The following INPP5D variants were observed in gnomAD, a reference collection of about 807,000 sequenced individuals.
The protein encoded by INPP5D is phosphatidylinositol 3,4,5-trisphosphate 5-phosphatase 1.
Under a neutral mutation model 122.9 loss-of-function variants are expected in INPP5D, and 33 were observed. That is an observed-to-expected ratio of 0.27 (90% CI 0.20 to 0.36). The LOEUF is 0.36. Ranked by LOEUF, INPP5D falls within the 10% of genes least tolerant of loss-of-function variation. The probability of loss-of-function intolerance (pLI) is 1.00; values close to 1 mark genes in which losing one functional copy is unlikely to be tolerated. For missense variants in INPP5D, 1,053 were observed against 1,412.7 expected (o/e 0.75, Z 4.08); for synonymous variants, 584 against 576.2 (o/e 1.01, Z -0.19).
At chr2:233,141,693 G>T (rs1240122067) in intron 6 of INPP5D, 3 of 152,246 alleles carry the variant, frequency 2.0e-5, no homozygotes, top group African/African-American at 7.2e-5. Flanking sequence ...AGATCTCCAA[G>T]ACTACTGTTA....
rs1222940990 is a variant in INPP5D at position 233,169,792 on chromosome 2, C to G, written c.1653-234C>G. The G allele has an allele frequency of 5.5e-5, 37 of 668,754 alleles. No homozygotes were observed. In the South Asian group the frequency reaches 7.2e-4, roughly 13 times the overall value. 41.4% of individuals were successfully genotyped at this position (668,754 alleles called of 1,614,324 possible). A position where few individuals can be genotyped will look rare whatever the true frequency, so the allele number is the denominator to read the frequency against. ...ATTCTCTGCTGAGCAGATGCTGCTG[C>G]TCCTGGTCCCCTGCCCTCTGTACAC... On this transcript the variant is annotated intron_variant, in intron 14 of 26. Transcript: ENST00000445964.
chr2:233,094,212 C>T (rs554199497), intron 2 of INPP5D, among the ~76,000 whole-genome samples: 13 of 151,848 alleles, frequency 8.6e-5, no homozygotes, highest in African/African-American at 2.4e-4. Flanking sequence ...GATTTTATCC[C>T]GATGTTTAAA....
rs13416562 is a variant in INPP5D at position 233,170,244 on chromosome 2, G to A, written c.1791+80G>A. 3.5e-4 allele frequency: 546 copies of A among 1,552,850 alleles called. 3 individuals carry two copies. The African/African-American group carries it at 6.1e-3, about 17-fold the overall frequency. The stretch of plus-strand genomic sequence containing the variant: ...TTGAGTCAGCTTGGGGCAGGTGGTC[G>A]TGGAGACATGTGAATCAAGTGGGCT... On this transcript the variant is annotated intron_variant, in intron 15 of 26. Coordinates refer to ENST00000445964, the MANE Select transcript of INPP5D (RefSeq NM_001017915.3). This position sits in a 1 kb window ranked among gnomAD's most constrained non-coding sequence, Gnocchi z 4.5.
intron 9 of INPP5D, among the ~76,000 whole-genome samples, chr2:233,149,409 T>C (rs1359966751): frequency 2.0e-5 from 3 of 152,094 alleles, no homozygotes; most frequent in Non-Finnish European, 4.4e-5. Context: ...CCATCTTTTG[T>C]TCTTAATAAA....
intron 2 of INPP5D, among the ~76,000 whole-genome samples, chr2:233,108,756 C>T (rs191119282): frequency 1.3e-5 from 2 of 152,332 alleles, no homozygotes; most frequent in East Asian, 1.9e-4. Flanking sequence ...CAGGGCAGCA[C>T]GGGGCACCGT....
intron 22 of INPP5D, among the ~76,000 whole-genome samples, chr2:233,190,895 A>T (rs137858415): frequency 1.3e-5 from 2 of 152,356 alleles, no homozygotes; most frequent in African/African-American, 4.8e-5. Flanking sequence ...TAACAGGATC[A>T]GATTCACATC....
chr2:233,089,016 C>T (rs1352387720), intron 2 of INPP5D, among the ~76,000 whole-genome samples: 2 of 152,220 alleles, frequency 1.3e-5, no homozygotes, highest in Non-Finnish European at 2.9e-5. Context: ...AGCATTACAG[C>T]CGTATGTCCC....
At chr2:233,165,947 G>C (rs1455752131) in intron 13 of INPP5D, among the ~76,000 whole-genome samples, 1 of 152,126 alleles carries the variant, frequency 6.6e-6, no homozygotes, top group Non-Finnish European at 1.5e-5. Context: ...GGTTTTTGGT[G>C]GTTGGAGTCA....
intron 9 of INPP5D, among the ~76,000 whole-genome samples, chr2:233,153,315 G>A (rs1191959875): frequency 6.6e-6 from 1 of 152,208 alleles, no homozygotes; most frequent in Non-Finnish European, 1.5e-5. Flanking sequence ...AAATCGGACT[G>A]TGGGATGCTT....
Position 233,081,196 on chromosome 2 carries a change from C to T in INPP5D, c.198+1798C>T, listed in dbSNP as rs545896538. Reference sequence around the variant, plus strand: ...TTGCCATGGGAATGTCTGTCTCTGACAGGGGCTCTTCACCATGTGTGGGAT... The same window carrying T: ...TTGCCATGGGAATGTCTGTCTCTGATAGGGGCTCTTCACCATGTGTGGGAT... On this transcript the variant is annotated intron_variant, in intron 2 of 26. Coordinates refer to ENST00000445964, the MANE Select transcript of INPP5D (RefSeq NM_001017915.3). 4.6e-5 allele frequency among the ~76,000 whole-genome samples: 7 copies of T among 152,324 alleles called. No homozygotes were observed. The East Asian group carries it at 1.4e-3, about 29-fold the overall frequency.
chr2:233,198,205 C>T lies in INPP5D; in HGVS notation c.2804C>T (p.Pro935Leu), dbSNP rs754447242. 1 of 1,613,686 alleles carries T rather than the reference C, an allele frequency of 6.2e-7. No homozygotes were observed. The highest frequency in any genetic ancestry group is 1.1e-5 in the South Asian group (1 of 91,086). The change falls in exon 25 of 27, where the codon CCT (proline) becomes CTT (leucine). Residue 935 changes from proline (P) to leucine (L), a missense_variant. Transcript: ENST00000445964. Reference protein sequence around the residue: ...MPLHVKQTLSPDQQPTAWSYD... With the variant: ...MPLHVKQTLSLDQQPTAWSYD... ...CTGCACGTGAAGCAGACCTTGTCCC[C>T]TGACCAGCAGCCCACAGCCTGGAGC...
At chr2:233,113,927 G>A (rs1272244633) in intron 2 of INPP5D, among the ~76,000 whole-genome samples, 3 of 101,038 alleles carry the variant, frequency 3.0e-5, no homozygotes, top group Non-Finnish European at 5.6e-5. Flanking sequence ...TTTTTTTTGA[G>A]ACGGAGTCTC....
Position 233,189,033 on chromosome 2 carries a change from C to T in INPP5D, c.2359-817C>T, listed in dbSNP as rs116294473. Among the ~76,000 whole-genome samples, 394 of 152,018 alleles carry T rather than the reference C, an allele frequency of 2.6e-3. 3 individuals carry two copies. Among genetic ancestry groups the T allele is most frequent in the African/African-American group, 9.0e-3 (373 of 41,282 alleles). ...GTATGGGAGTCATCGTGAGAAACAGCCCCACATCTGAAAAAGTCATAACTC... is the reference window on the plus strand; with the variant it reads ...GTATGGGAGTCATCGTGAGAAACAGTCCCACATCTGAAAAAGTCATAACTC... On this transcript the variant is annotated intron_variant, in intron 21 of 26. Coordinates refer to ENST00000445964, the MANE Select transcript of INPP5D (RefSeq NM_001017915.3). This position sits in a 1 kb window ranked among gnomAD's most constrained non-coding sequence, Gnocchi z 5.6.
rs1471945592 is a variant in INPP5D at position 233,078,755 on chromosome 2, T to A, written c.135-580T>A. Among the ~76,000 whole-genome samples the A allele has an allele frequency of 6.6e-6, 1 of 152,164 alleles. No individual in the cohort carries two copies. Among genetic ancestry groups the A allele is most frequent in the African/African-American group, 2.4e-5 (1 of 41,440 alleles). ...TGGAGTGAAGTGGCACATTCTCGGCTCACTGCAACCTCCGCCTCCTGGGTT... is the reference window on the plus strand; with the variant it reads ...TGGAGTGAAGTGGCACATTCTCGGCACACTGCAACCTCCGCCTCCTGGGTT... On this transcript the variant is annotated intron_variant, in intron 1 of 26. Transcript: ENST00000445964. The surrounding 1 kb of genome is among the most constrained non-coding windows in gnomAD (Gnocchi z 4.6).
At chr2:233,114,497 G>C (rs911167905) in intron 2 of INPP5D, among the ~76,000 whole-genome samples, 2 of 152,212 alleles carry the variant, frequency 1.3e-5, no homozygotes, top group Non-Finnish European at 1.5e-5. Context: ...CTTTCCCTCA[G>C]ATGAGCTGGC....
chr2:233,103,530 C>T (rs61669959), intron 2 of INPP5D, among the ~76,000 whole-genome samples: 11,752 of 151,916 alleles, frequency 0.077, 724 homozygotes, highest in African/African-American at 0.17. Context: ...GATTGGAGAA[C>T]GGCAATCTTT....
intron 22 of INPP5D, among the ~76,000 whole-genome samples, chr2:233,193,425 C>G (rs538951237): frequency 6.6e-6 from 1 of 152,232 alleles, no homozygotes; most frequent in East Asian, 1.9e-4. Flanking sequence ...ATACTGTTCC[C>G]AATCCGTTTC....
intron 2 of INPP5D, among the ~76,000 whole-genome samples, chr2:233,096,142 A>T (rs912235385): frequency 6.6e-6 from 1 of 152,162 alleles, no homozygotes; most frequent in Non-Finnish European, 1.5e-5. Flanking sequence ...TCCAAGAAAA[A>T]CTATTACTGG....
chr2:233,113,924 T>TTTTTAGAC (rs1692707376), intron 2 of INPP5D, among the ~76,000 whole-genome samples: 1 of 146,122 alleles, frequency 6.8e-6, no homozygotes, highest in African/African-American at 2.7e-5. Flanking sequence ...TTTTTTTTTT[T>TTTTTAGAC]GAGACGGAGT....
Sources: allele counts gnomAD v4.1 joint callset (sites outside exome capture counted in the v4.1 genomes callset), GRCh38; gene constraint gnomAD v4.1.1; non-coding constraint Gnocchi (gnomAD v3.1); transcripts MANE v1.5; gene names NCBI Gene and HGNC (gene_info 2026-07-23, HGNC 2026-07-21).